The following DSG4 variants were observed in gnomAD, a reference collection of about 807,000 sequenced individuals.
The protein encoded by DSG4 is desmoglein 4.
In DSG4, 87 loss-of-function variants were observed where a neutral mutation model predicts 93.1. That is an observed-to-expected ratio of 0.93 (90% confidence interval 0.79 to 1.12). DSG4 has a LOEUF of 1.12. DSG4 is among the 50% of genes most tolerant of loss of function. The probability of loss-of-function intolerance (pLI) is 0.00; values close to 1 mark genes in which losing one functional copy is unlikely to be tolerated. For synonymous variants in DSG4, 432 were observed against 452.9 expected, an observed-to-expected ratio of 0.95 and a Z score of 0.59; for missense variants, 1,373 against 1,285.7, an observed-to-expected ratio of 1.07 and a Z score of -1.04.
intron 1 of DSG4, among the ~76,000 whole-genome samples, chr18:31,384,872 T>C (rs1008536751): frequency 1.3e-5 from 2 of 152,150 alleles, no homozygotes; most frequent in African/African-American, 4.8e-5. Flanking sequence ...CTTGGATAAC[T>C]TGAGTTTCCT....
chr18:31,412,143 G>A (rs1276183831), intron 15 of DSG4, among the ~76,000 whole-genome samples: 1 of 152,158 alleles, frequency 6.6e-6, no homozygotes, highest in African/African-American at 2.4e-5. Context: ...ACTGATGATT[G>A]GACTTCTAAA....
chr18:31,400,743 C>T, intron 9 of DSG4, 138 bp from the exon 10 acceptor site: 2 of 824,094 alleles, frequency 2.4e-6, no homozygotes, highest in African/African-American at 1.7e-5. Context: ...TATATATGTA[C>T]TTTTTATAAA....
At chr18:31,397,601 A>G (rs2033571225) in intron 8 of DSG4, among the ~76,000 whole-genome samples, 1 of 152,166 alleles carries the variant, frequency 6.6e-6, no homozygotes, top group Admixed American at 6.5e-5. Context: ...CTTTAATTAT[A>G]CAACTTTAGA....
At chr18:31,404,026 C>T (rs1417772618) in intron 11 of DSG4, among the ~76,000 whole-genome samples, 1 of 152,126 alleles carries the variant, frequency 6.6e-6, no homozygotes, top group Non-Finnish European at 1.5e-5. Flanking sequence ...GTCTCTGAAA[C>T]TCATATATCC....
intron 5 of DSG4, 61 bp downstream of exon 5, chr18:31,389,079 T>C (rs1245804007): frequency 6.3e-7 from 1 of 1,580,654 alleles, no homozygotes; most frequent in Non-Finnish European, 8.7e-7. Context: ...GGTCAAAAGC[T>C]TTAGAGGACT....
intron 8 of DSG4, among the ~76,000 whole-genome samples, chr18:31,394,954 C>T (rs1280963380): frequency 1.3e-5 from 2 of 151,930 alleles, no homozygotes; most frequent in Non-Finnish European, 2.9e-5. Context: ...GTTCTGTCTC[C>T]CAACCTACTA....
At position 31,388,928 on chromosome 18, in the gene DSG4, C is replaced by T. The variant is rs2072219468; in HGVS notation, c.427C>T (p.Leu143Phe). 2.5e-6 allele frequency: 4 copies of T among 1,613,474 alleles called. No individual in the cohort carries two copies. The highest frequency in any genetic ancestry group is 3.4e-6 in the Non-Finnish European group (4 of 1,179,670). ...RGEDLERPLE[L>F]RVKVMDINDN... The stretch of plus-strand genomic sequence containing the variant: ...TGAAGATTTAGAAAGGCCTCTTGAG[C>T]TTAGAGTCAAAGTTATGGACATAAA... The change falls in exon 5 of 16, where the codon CTT becomes TTT. Residue 143 changes from leucine (L) to phenylalanine (F), a missense_variant. Physicochemically the swap from Leu to Phe is conservative, Grantham distance 22. Transcript: ENST00000308128.
intron 6 of DSG4, 40 bp from the exon 7 acceptor site, chr18:31,391,038 A>G (rs745425699): frequency 6.2e-7 from 1 of 1,612,250 alleles, no homozygotes; most frequent in Non-Finnish European, 8.5e-7. Flanking sequence ...TCTATTCAAG[A>G]CAAAACCTAA....
Position 31,376,791 on chromosome 18 carries a change from C to A in DSG4, c.-121C>A. The A allele has an allele frequency of 9.6e-7, 1 of 1,036,642 alleles. No homozygotes were observed. The highest frequency in any genetic ancestry group is 1.5e-6 in the Non-Finnish European group (1 of 668,268). 64.2% of individuals were successfully genotyped at this position (1,036,642 alleles called of 1,614,324 possible). A position where few individuals can be genotyped will look rare whatever the true frequency, so the allele number is the denominator to read the frequency against. The stretch of plus-strand genomic sequence containing the variant: ...TGCCCAGAGATCACCACAGTTATCA[C>A]CCATGCCCTCCTAAAAGGGTGTCTC... On this transcript the variant is annotated 5_prime_UTR_variant, in exon 1 of 16. Transcript: ENST00000308128.
intron 11 of DSG4, among the ~76,000 whole-genome samples, chr18:31,405,676 G>C (rs1241836541): frequency 6.6e-6 from 1 of 151,996 alleles, no homozygotes; most frequent in Non-Finnish European, 1.5e-5. Flanking sequence ...TGGAGCCCAG[G>C]AGTTCAAGAC....
At chr18:31,388,605 A>G (rs2072214959) in intron 4 of DSG4, 83 bp downstream of exon 4, 2 of 1,537,446 alleles carry the variant, frequency 1.3e-6, no homozygotes, top group African/African-American at 1.4e-5. Context: ...ATAATGGATT[A>G]CTTTTGATAA....
At chr18:31,391,914 TAAAA>T (rs1217765175) in intron 7 of DSG4, among the ~76,000 whole-genome samples, 1 of 151,962 alleles carries the variant, frequency 6.6e-6, no homozygotes, top group African/African-American at 2.4e-5. Context: ...AATAAATAAA[TAAAA>T]GAGAAAGGAA....
At chr18:31,401,184 A>G (rs1018468485) in intron 10 of DSG4, among the ~76,000 whole-genome samples, 164 bp downstream of exon 10, 1 of 152,194 alleles carries the variant, frequency 6.6e-6, no homozygotes, top group African/African-American at 2.4e-5. Context: ...GTCAATTAAA[A>G]TCATAATTTA....
chr18:31,383,256 C>T (rs1270324078), intron 1 of DSG4, among the ~76,000 whole-genome samples: 1 of 152,192 alleles, frequency 6.6e-6, no homozygotes, highest in Admixed American at 6.5e-5. Flanking sequence ...CTACTCAGTT[C>T]TTGTGCCTGC....
At chr18:31,400,680 T>C (rs2072354832) in intron 9 of DSG4, among the ~76,000 whole-genome samples, 1 of 152,176 alleles carries the variant, frequency 6.6e-6, no homozygotes, top group African/African-American at 2.4e-5. Flanking sequence ...ATGATGAAAT[T>C]TTAAAACTTG....
chr18:31,400,936 G>A lies in DSG4; in HGVS notation c.1333G>A (p.Glu445Lys). Reference sequence around the variant, plus strand: ...GTTAAAAATTGATTCAAGAACTGGTGAGATACAATTTTCTAGAGAATTTGA... The same window carrying A: ...GTTAAAAATTGATTCAAGAACTGGTAAGATACAATTTTCTAGAGAATTTGA... ...SWLKIDSRTG[E>K]IQFSREFDKK... Residue 445 changes from glutamate (E) to lysine (K), a missense_variant, in exon 10 of 16, where the codon GAG (glutamate) becomes AAG (lysine). Glu to Lys is a moderately conservative substitution (Grantham distance 56). Coordinates refer to ENST00000308128, the MANE Select transcript of DSG4 (RefSeq NM_177986.5). 6.2e-7 allele frequency: 1 copy of A among 1,612,414 alleles called. No homozygotes were observed. Among genetic ancestry groups the A allele is most frequent in the Non-Finnish European group, 8.5e-7 (1 of 1,178,998 alleles).
intron 11 of DSG4, 115 bp downstream of exon 11, chr18:31,403,749 C>A: frequency 3.2e-6 from 3 of 929,168 alleles, no homozygotes; most frequent in Non-Finnish European, 5.1e-6. Context: ...CAGTTCTTGC[C>A]ATATTAACAT....
At chr18:31,404,765 CAA>C (rs1258128906) in intron 11 of DSG4, among the ~76,000 whole-genome samples, 26 of 152,280 alleles carry the variant, frequency 1.7e-4, no homozygotes, top group South Asian at 1.2e-3. Flanking sequence ...CCATTAATAT[CAA>C]GTCAACTCTG....
chr18:31,385,423 A>G (rs1192475731), intron 2 of DSG4, among the ~76,000 whole-genome samples: 1 of 152,140 alleles, frequency 6.6e-6, no homozygotes, highest in Non-Finnish European at 1.5e-5. Context: ...TAGTTTATTT[A>G]TGTTTTCCAA....
Sources: allele counts gnomAD v4.1 joint callset (sites outside exome capture counted in the v4.1 genomes callset), GRCh38; gene constraint gnomAD v4.1.1; transcripts MANE v1.5; gene names NCBI Gene and HGNC (gene_info 2026-07-23, HGNC 2026-07-21).